METTL15: variants seen among roughly 807,000 people sequenced by gnomAD.
METTL15 encodes 12S rRNA N(4)-cytidine methyltransferase METTL15.
In METTL15, 34 loss-of-function variants were observed where a neutral mutation model predicts 38.3. The ratio of observed to expected loss-of-function variants is 0.89; its 90% CI spans 0.68 to 1.18. The LOEUF is 1.18. METTL15 is among the 50% of genes most tolerant of loss of function. The pLI is 0.00. For synonymous variants in METTL15, 162 were observed against 170.9 expected (o/e 0.95, Z 0.41); for missense variants, 438 against 498.4 (o/e 0.88, Z 1.15).
At chr11:28,447,967 T>C (rs577197820) in intron 6 of METTL15, among the ~76,000 whole-genome samples, 1 of 152,270 alleles carries the variant, frequency 6.6e-6, no homozygotes, top group East Asian at 1.9e-4. Flanking sequence ...TCTTGGAATT[T>C]GTGTCACAGA....
chr11:28,376,760 G>A (rs1850318028), intron 5 of METTL15, among the ~76,000 whole-genome samples: 1 of 151,040 alleles, frequency 6.6e-6, no homozygotes, highest in South Asian at 2.1e-4. Flanking sequence ...AGTCTCGATG[G>A]TCTTTACATT....
chr11:28,513,258 T>C (rs1349226401), intron 6 of METTL15, among the ~76,000 whole-genome samples: 1 of 152,166 alleles, frequency 6.6e-6, no homozygotes, highest in Non-Finnish European at 1.5e-5. Flanking sequence ...CTCTAACTGG[T>C]TTATTTTTTA....
chr11:28,287,988 G>T (rs898424999), intron 4 of METTL15, among the ~76,000 whole-genome samples: 1 of 151,990 alleles, frequency 6.6e-6, no homozygotes, highest in Non-Finnish European at 1.5e-5. Context: ...CTTCCCTTCG[G>T]CTGGGAGGGG....
rs1428178075 is a variant in METTL15, at chr11:28,458,891, T to G, written c.*424+34527T>G. 2.0e-5 allele frequency among the ~76,000 whole-genome samples: 3 copies of G among 152,218 alleles called. No individual in the cohort carries two copies. The East Asian group carries it at 5.8e-4, about 29-fold the overall frequency. On this transcript the variant is annotated intron_variant and NMD_transcript_variant, in intron 6 of 7. Coordinates refer to the METTL15 transcript ENST00000532947. ...TGGTAGAATGAAAGTTCAACTGGAA[T>G]GTTCAGAAATTTATTCTTTTATGTA...
At chr11:28,162,540 A>G (rs563208473) in intron 3 of METTL15, among the ~76,000 whole-genome samples, 1 of 152,258 alleles carries the variant, frequency 6.6e-6, no homozygotes, top group African/African-American at 2.4e-5. Flanking sequence ...TTAAGATACA[A>G]ATGCTCCTTG....
intron 6 of METTL15, among the ~76,000 whole-genome samples, chr11:28,462,216 G>T (rs890838375): frequency 1.3e-5 from 2 of 151,908 alleles, no homozygotes; most frequent in African/African-American, 4.8e-5. Flanking sequence ...ATAATGAATT[G>T]GAATTTTCCA....
intron 4 of METTL15, among the ~76,000 whole-genome samples, chr11:28,253,449 T>A (rs1429452468): frequency 6.6e-6 from 1 of 152,178 alleles, no homozygotes; most frequent in East Asian, 1.9e-4. Context: ...ATTCTTTGAG[T>A]GAAAATCAAT....
intron 5 of METTL15, among the ~76,000 whole-genome samples, chr11:28,386,175 A>G (rs1850438593): frequency 6.6e-6 from 1 of 152,076 alleles, no homozygotes; most frequent in South Asian, 2.1e-4. Context: ...AACACAAAGA[A>G]AGGCAGTAAG....
intron 6 of METTL15, among the ~76,000 whole-genome samples, chr11:28,502,087 C>T (rs1004945799): frequency 7.7e-6 from 1 of 130,658 alleles, no homozygotes; most frequent in Non-Finnish European, 1.6e-5. Context: ...GGCAGCAGGG[C>T]AAGACTCTGT....
chr11:28,340,246 G>A (rs944810436), intron 3 of METTL15, among the ~76,000 whole-genome samples: 58 of 151,926 alleles, frequency 3.8e-4, no homozygotes, highest in Non-Finnish European at 7.4e-5. Context: ...AATCTAGATT[G>A]AGCAATCCAT....
chr11:28,530,220 A>T (rs573878018), downstream of METTL15, among the ~76,000 whole-genome samples: 4 of 152,310 alleles, frequency 2.6e-5, no homozygotes, highest in African/African-American at 9.6e-5. Context: ...AAAGAGAGAG[A>T]CAGAGAGAGA....
intron 3 of METTL15, among the ~76,000 whole-genome samples, chr11:28,194,725 A>G (rs1442282211): frequency 6.6e-6 from 1 of 152,070 alleles, no homozygotes; most frequent in Non-Finnish European, 1.5e-5. Flanking sequence ...CTTTAGGGGT[A>G]CAAGTGGTTT....
chr11:28,195,692 G>A (rs1376151627), intron 3 of METTL15, among the ~76,000 whole-genome samples: 2 of 151,944 alleles, frequency 1.3e-5, no homozygotes, highest in African/African-American at 4.8e-5. Context: ...TTCTTTTGCT[G>A]TGCAGAAGCA....
chr11:28,118,308 A>G (rs1852062879), intron 3 of METTL15, among the ~76,000 whole-genome samples: 2 of 152,184 alleles, frequency 1.3e-5, no homozygotes, highest in Admixed American at 1.3e-4. Context: ...TTGTTTTTCA[A>G]ATACACTTAA....
chr11:28,231,209 G>C (rs1239741774), intron 4 of METTL15, among the ~76,000 whole-genome samples: 1 of 151,746 alleles, frequency 6.6e-6, no homozygotes, highest in Non-Finnish European at 1.5e-5. Flanking sequence ...AGATAATTAA[G>C]AAGTATTTAT....
intron 4 of METTL15, among the ~76,000 whole-genome samples, chr11:28,217,037 T>G (rs922969895): frequency 5.3e-5 from 8 of 152,066 alleles, no homozygotes. Flanking sequence ...TGCATGTGTC[T>G]TTATAGCAGC....
chr11:28,492,695 C>T (rs1851506386), intron 6 of METTL15, among the ~76,000 whole-genome samples: 1 of 152,100 alleles, frequency 6.6e-6, no homozygotes, highest in African/African-American at 2.4e-5. Flanking sequence ...TTTATGAGTG[C>T]ATTTACAGCG....
chr11:28,421,086 A>T (rs1328866503), intron 5 of METTL15, among the ~76,000 whole-genome samples: 1 of 152,064 alleles, frequency 6.6e-6, no homozygotes, highest in Non-Finnish European at 1.5e-5. Context: ...GAGCAACTAT[A>T]TGTGAATAAA....
Position 28,378,506 on chromosome 11 carries a change from G to A in METTL15, c.*358+16470G>A, listed in dbSNP as rs1014550753. ...CCCAAGTGAGGCAATGCCTCGCCCT[G>A]CTTCGGCTCGTGCACGGTGCGTGCA... On this transcript the variant is annotated intron_variant and NMD_transcript_variant, in intron 5 of 7. Coordinates refer to the METTL15 transcript ENST00000532947. Among the ~76,000 whole-genome samples, 61 of 152,332 alleles carry A rather than the reference G, an allele frequency of 4.0e-4. 1 individual carries two copies. Among genetic ancestry groups the A allele is most frequent in the African/African-American group, 1.4e-3 (59 of 41,584 alleles).
Sources: gnomAD v4.1 joint callset for allele counts (sites outside exome capture counted in the v4.1 genomes callset) on GRCh38, gnomAD v4.1.1 for gene constraint, MANE v1.5 for transcripts, NCBI Gene and HGNC (gene_info 2026-07-23, HGNC 2026-07-21) for gene names.